The following RBFOX1 variants were observed in gnomAD, a reference collection of about 807,000 sequenced individuals.
RBFOX1 encodes RNA binding fox-1 homolog 1.
RBFOX1 carries 8 observed loss-of-function variants against 57.7 expected under a neutral mutation model. The ratio of observed to expected loss-of-function variants is 0.14; its 90% CI spans 0.08 to 0.25. The LOEUF is 0.25. Among genes scored for constraint, RBFOX1 ranks in the 10% least tolerant of loss-of-function variants. The probability of loss-of-function intolerance (pLI) is 1.00; values close to 1 mark genes in which losing one functional copy is unlikely to be tolerated. For missense variants in RBFOX1, 611 were observed against 548.5 expected (o/e 1.11, Z -1.14); for synonymous variants, 326 against 222.4 (o/e 1.47, Z -4.15).
chr16:7,697,090 T>C (rs1467064640), intron 14 of RBFOX1, among the ~76,000 whole-genome samples: 1 of 152,138 alleles, frequency 6.6e-6, no homozygotes, highest in East Asian at 1.9e-4. Context: ...TAATCTGACT[T>C]TAATGATCAG....
chr16:7,578,052 T>A (rs1450692193), intron 5 of RBFOX1, among the ~76,000 whole-genome samples: 1 of 152,248 alleles, frequency 6.6e-6, no homozygotes, highest in African/African-American at 2.4e-5. Flanking sequence ...GTAAACACTT[T>A]AAAAATAAGC....
At chr16:5,321,636 G>A (rs531800128) in intron 1 of RBFOX1, among the ~76,000 whole-genome samples, 1 of 152,262 alleles carries the variant, frequency 6.6e-6, no homozygotes, top group Admixed American at 6.5e-5. Flanking sequence ...CATTTTTAAA[G>A]CCACTAGGTT....
At chr16:6,377,019 C>G (rs971454877) in intron 2 of RBFOX1, among the ~76,000 whole-genome samples, 1 of 151,810 alleles carries the variant, frequency 6.6e-6, no homozygotes, top group Non-Finnish European at 1.5e-5. Flanking sequence ...TGCATATAAT[C>G]CCAGTACTTT....
At chr16:7,533,942 TG>T (rs1216802427) in intron 5 of RBFOX1, among the ~76,000 whole-genome samples, 2 of 152,140 alleles carry the variant, frequency 1.3e-5, no homozygotes. Flanking sequence ...AAACCAATGG[TG>T]GGCGATGTTA....
intron 2 of RBFOX1, among the ~76,000 whole-genome samples, chr16:5,574,156 A>T (rs931362827): frequency 8.5e-5 from 13 of 152,192 alleles, no homozygotes; most frequent in Non-Finnish European, 1.6e-4. Context: ...TTTTATGCCT[A>T]TGCGGATCTA....
intron 3 of RBFOX1, among the ~76,000 whole-genome samples, chr16:5,625,535 G>GTTATTTATTTAT (rs71404538): frequency 0.053 from 7,536 of 143,032 alleles, 268 homozygotes; most frequent in East Asian, 0.075. Context: ...AATATTTTTT[G>GTTATTTATTTAT]TTATTTATTT....
At chr16:6,708,386 C>T (rs1864584586) in intron 3 of RBFOX1, among the ~76,000 whole-genome samples, 1 of 152,104 alleles carries the variant, frequency 6.6e-6, no homozygotes, top group African/African-American at 2.4e-5. Context: ...TCATTTTTTC[C>T]TAAATCAGAC....
chr16:6,026,240 G>C (rs2095191543), intron 1 of RBFOX1, among the ~76,000 whole-genome samples: 1 of 152,222 alleles, frequency 6.6e-6, no homozygotes, highest in African/African-American at 2.4e-5. Context: ...GCATACACCT[G>C]TTTGGACATC....
chr16:7,535,781 T>C (rs2081324140), intron 5 of RBFOX1, among the ~76,000 whole-genome samples: 1 of 152,240 alleles, frequency 6.6e-6, no homozygotes, highest in Admixed American at 6.5e-5. Flanking sequence ...AAATTTAATA[T>C]TTGGCATAAA....
chr16:6,556,137 T>C (rs1475412761), intron 2 of RBFOX1, among the ~76,000 whole-genome samples: 1 of 152,204 alleles, frequency 6.6e-6, no homozygotes, highest in Non-Finnish European at 1.5e-5. Context: ...TCATGATTCA[T>C]AAAAGACCAG....
chr16:6,821,820 C>T (rs1006435163), intron 3 of RBFOX1, among the ~76,000 whole-genome samples: 2 of 152,124 alleles, frequency 1.3e-5, no homozygotes, highest in Non-Finnish European at 1.5e-5. Flanking sequence ...GTGAATGATG[C>T]TGTTATGAAC....
At chr16:5,958,138 A>C (rs987384501) in intron 4 of RBFOX1, among the ~76,000 whole-genome samples, 4 of 152,146 alleles carry the variant, frequency 2.6e-5, no homozygotes, top group African/African-American at 9.7e-5. Flanking sequence ...AGTGTTTGGG[A>C]ATGATTTGGG....
At chr16:5,443,709 A>C (rs74814493) in intron 1 of RBFOX1, among the ~76,000 whole-genome samples, 8,424 of 152,184 alleles carry the variant, frequency 0.055, 807 homozygotes, top group African/African-American at 0.19. Context: ...CTGAGTGTTT[A>C]CTCTGGGTCA....
At chr16:7,128,161 C>G (rs988087357) in intron 4 of RBFOX1, among the ~76,000 whole-genome samples, 1 of 152,138 alleles carries the variant, frequency 6.6e-6, no homozygotes, top group Non-Finnish European at 1.5e-5. Flanking sequence ...CCTAACCATT[C>G]TGACAAGAAC....
intron 3 of RBFOX1, chr16:6,704,305 C>T (rs1297824650): frequency 6.6e-6 from 1 of 152,182 alleles, no homozygotes; most frequent in African/African-American, 2.4e-5. Flanking sequence ...ACCTCTTGAG[C>T]TAAAACAGAA....
At chr16:5,563,778 A>G (rs1262215156) in intron 2 of RBFOX1, among the ~76,000 whole-genome samples, 1 of 152,164 alleles carries the variant, frequency 6.6e-6, no homozygotes, top group African/African-American at 2.4e-5. Context: ...ACTATAGCAT[A>G]TTTTGGAACA....
upstream of RBFOX1, among the ~76,000 whole-genome samples, chr16:6,017,802 C>G (rs548491651): frequency 2.0e-5 from 3 of 152,276 alleles, no homozygotes; most frequent in East Asian, 5.8e-4. Flanking sequence ...TTGATGGGCG[C>G]TAGGAAATAC....
At chr16:6,892,071 A>G (rs564439682) in intron 3 of RBFOX1, among the ~76,000 whole-genome samples, 2 of 152,286 alleles carry the variant, frequency 1.3e-5, no homozygotes, top group South Asian at 4.1e-4. Context: ...GGTGGATGAC[A>G]TAGATCCCAT....
At chr16:5,839,591 T>C (rs1336847272) in intron 3 of RBFOX1, among the ~76,000 whole-genome samples, 1 of 152,162 alleles carries the variant, frequency 6.6e-6, no homozygotes, top group African/African-American at 2.4e-5. Context: ...AAGCAGTAAG[T>C]AACTTACTCA....
Sources: gnomAD v4.1 joint callset for allele counts (sites outside exome capture counted in the v4.1 genomes callset) on GRCh38, gnomAD v4.1.1 for gene constraint, MANE v1.5 for transcripts, NCBI Gene and HGNC (gene_info 2026-07-23, HGNC 2026-07-21) for gene names.